Variants in ABTB3 observed in about 807,000 individuals in gnomAD.
ABTB3 encodes ankyrin repeat and BTB domain containing 3, also known as ankyrin repeat- and BTB/POZ domain-containing protein 3.
the ABTB3 span, among the ~76,000 whole-genome samples, chr12:107,474,590 G>T: frequency 3.3e-5 from 5 of 152,212 alleles, no homozygotes; most frequent in Middle Eastern, 3.4e-3. Flanking sequence ...GGGAGTAGTT[G>T]GCCACAAAGG....
At chr12:107,631,354 A>C in the ABTB3 span, among the ~76,000 whole-genome samples, 1 of 152,184 alleles carries the variant, frequency 6.6e-6, no homozygotes, top group Non-Finnish European at 1.5e-5. Context: ...TGCACCACTG[A>C]TGGACACCTT....
the ABTB3 span, chr12:107,642,259 T>C: frequency 8.2e-7 from 1 of 1,218,852 alleles, no homozygotes; most frequent in Non-Finnish European, 1.2e-6. Flanking sequence ...GATTGGCCAC[T>C]TGGAGAAGTC....
the ABTB3 span, among the ~76,000 whole-genome samples, chr12:107,555,704 G>A: frequency 1.3e-5 from 2 of 152,212 alleles, no homozygotes; most frequent in Admixed American, 6.5e-5. Context: ...TCTATACCAT[G>A]CGCCTCATTT....
At chr12:107,426,333 T>C in the ABTB3 span, among the ~76,000 whole-genome samples, 7 of 152,298 alleles carry the variant, frequency 4.6e-5, no homozygotes, top group East Asian at 1.4e-3. Flanking sequence ...GTGAGCCTGC[T>C]GTGAGTCAGT....
the ABTB3 span, among the ~76,000 whole-genome samples, chr12:107,439,236 C>A: frequency 6.6e-6 from 1 of 152,082 alleles, no homozygotes; most frequent in Non-Finnish European, 1.5e-5. Context: ...GCCAGACATG[C>A]CTGGCTTAAC....
the ABTB3 span, among the ~76,000 whole-genome samples, chr12:107,532,165 C>T: frequency 5.3e-5 from 8 of 152,228 alleles, no homozygotes; most frequent in Non-Finnish European, 1.0e-4. Flanking sequence ...ACCCAAGAGC[C>T]TGAGGATCAG....
At chr12:107,416,046 G>T in the ABTB3 span, among the ~76,000 whole-genome samples, 1 of 152,152 alleles carries the variant, frequency 6.6e-6, no homozygotes, top group African/African-American at 2.4e-5. Flanking sequence ...AAAAATTCTG[G>T]AGTCTGAAAT....
At chr12:107,607,805 ATGAG>A in the ABTB3 span, among the ~76,000 whole-genome samples, 6 of 152,106 alleles carry the variant, frequency 3.9e-5, no homozygotes, top group African/African-American at 1.4e-4. Context: ...CTCCGCAAAT[ATGAG>A]TGATGTGTCA....
At chr12:107,603,478 G>A in the ABTB3 span, among the ~76,000 whole-genome samples, 5 of 152,116 alleles carry the variant, frequency 3.3e-5, no homozygotes, top group South Asian at 2.1e-4. Context: ...GGCAAAGGAC[G>A]CTCTCTTCAG....
chr12:107,578,745 T>C, the ABTB3 span, among the ~76,000 whole-genome samples: 4 of 152,262 alleles, frequency 2.6e-5, no homozygotes, highest in Admixed American at 2.0e-4. Flanking sequence ...TGATTCAGTT[T>C]AGGTGATGGA....
At chr12:107,594,333 T>G in the ABTB3 span, among the ~76,000 whole-genome samples, 1 of 152,188 alleles carries the variant, frequency 6.6e-6, no homozygotes, top group Admixed American at 6.5e-5. Context: ...TTTTGGTATC[T>G]CTCCCAAATC....
the ABTB3 span, chr12:107,610,437 C>T: frequency 1.3e-6 from 2 of 1,546,260 alleles, no homozygotes; most frequent in Non-Finnish European, 8.9e-7. Flanking sequence ...GCCGGTGAAT[C>T]CCCTCTGCAG....
chr12:107,360,930 ATTTTT>A, the ABTB3 span, among the ~76,000 whole-genome samples: 6 of 84,434 alleles, frequency 7.1e-5, no homozygotes, highest in East Asian at 3.9e-4. Context: ...ATTTAATTTA[ATTTTT>A]TTTTTTTTTT....
At chr12:107,451,622 C>T in the ABTB3 span, among the ~76,000 whole-genome samples, 2 of 152,082 alleles carry the variant, frequency 1.3e-5, no homozygotes, top group Non-Finnish European at 2.9e-5. Flanking sequence ...GGAATCTTAC[C>T]CCTGCCTGGT....
the ABTB3 span, chr12:107,520,719 A>T: frequency 6.5e-7 from 1 of 1,542,118 alleles, no homozygotes; most frequent in Non-Finnish European, 8.8e-7. Context: ...CCTCATGCCA[A>T]CCCCTCAGGG....
chr12:107,417,784 C>A, the ABTB3 span, among the ~76,000 whole-genome samples: 1 of 152,216 alleles, frequency 6.6e-6, no homozygotes, highest in Admixed American at 6.5e-5. Flanking sequence ...GAGTCCCACG[C>A]CCCCTCTGAT....
the ABTB3 span, among the ~76,000 whole-genome samples, chr12:107,499,718 C>T: frequency 3.3e-5 from 5 of 150,560 alleles, no homozygotes; most frequent in African/African-American, 1.2e-4. Context: ...TAGAATCTCA[C>T]TCTGTCACCC....
At chr12:107,445,399 C>T in the ABTB3 span, among the ~76,000 whole-genome samples, 1 of 152,158 alleles carries the variant, frequency 6.6e-6, no homozygotes, top group Non-Finnish European at 1.5e-5. Flanking sequence ...ATGAGTAATG[C>T]GGAAATAGCG....
At chr12:107,395,609 G>A in the ABTB3 span, among the ~76,000 whole-genome samples, 6 of 152,184 alleles carry the variant, frequency 3.9e-5, no homozygotes, top group African/African-American at 1.4e-4. Flanking sequence ...CCCCTGCTCA[G>A]GTGAGTGCTC....
Sources: gnomAD v4.1 joint callset for allele counts (sites outside exome capture counted in the v4.1 genomes callset) on GRCh38, gnomAD v4.1.1 for gene constraint, MANE v1.5 for transcripts, NCBI Gene and HGNC (gene_info 2026-07-23, HGNC 2026-07-21) for gene names.